Variants in PRKAR2B observed in about 807,000 individuals in gnomAD.
The protein encoded by PRKAR2B is protein kinase cAMP-dependent type II regulatory subunit beta, also known as cAMP-dependent protein kinase type II-beta regulatory subunit.
PRKAR2B carries 14 observed loss-of-function variants against 49.9 expected under a neutral mutation model. The ratio of observed to expected loss-of-function variants is 0.28; its 90% CI spans 0.19 to 0.44. The LOEUF is 0.44. PRKAR2B is among the 20% of genes least tolerant of loss of function. PRKAR2B has a pLI of 1.00. For missense variants in PRKAR2B, 393 were observed against 537.9 expected (o/e 0.73, Z 2.67); for synonymous variants, 196 against 197.7 (o/e 0.99, Z 0.07).
chr7:107,051,157 A>G (rs1371854744), intron 1 of PRKAR2B, among the ~76,000 whole-genome samples: 1 of 152,204 alleles, frequency 6.6e-6, no homozygotes, highest in Non-Finnish European at 1.5e-5. Flanking sequence ...ACTGTTGCCA[A>G]CATTTTGTGC....
At chr7:107,126,836 TTGTC>T (rs1181579459) in intron 3 of PRKAR2B, among the ~76,000 whole-genome samples, 2 of 152,152 alleles carry the variant, frequency 1.3e-5, no homozygotes, top group Non-Finnish European at 1.5e-5. Flanking sequence ...GGGATCTACT[TTGTC>T]TGTGTTTGTG....
intron 10 of PRKAR2B, among the ~76,000 whole-genome samples, chr7:107,158,932 G>GT (rs1299437701): frequency 2.0e-5 from 3 of 152,164 alleles, no homozygotes; most frequent in Non-Finnish European, 4.4e-5. Flanking sequence ...TTTCTAGCAT[G>GT]TACTTATAGA....
chr7:107,084,432 A>G (rs1794576323), intron 2 of PRKAR2B, among the ~76,000 whole-genome samples: 1 of 152,048 alleles, frequency 6.6e-6, no homozygotes, highest in Non-Finnish European at 1.5e-5. Context: ...ATATTAGTGG[A>G]TATATATCTA....
intron 2 of PRKAR2B, among the ~76,000 whole-genome samples, chr7:107,105,076 G>T (rs1004570): frequency 0.13 from 19,474 of 152,102 alleles, 1,537 homozygotes; most frequent in African/African-American, 0.22. Flanking sequence ...ATGGGTTGTG[G>T]GCCCCATTGT....
At position 107,044,783 on chromosome 7, in the gene PRKAR2B, T is replaced by A; in HGVS notation, c.-125T>A. On this transcript the variant is annotated 5_prime_UTR_variant, in exon 1 of 11. Transcript: ENST00000265717. ...GGCCAGCCGGGCCGCCGGGGCCCAG[T>A]GCGCCGCGCTCGCAGCCGGTAGCGC... 1 of 576,918 alleles carries A rather than the reference T, an allele frequency of 1.7e-6. No homozygotes were observed. Among genetic ancestry groups the A allele is most frequent in the Non-Finnish European group, 2.3e-6 (1 of 438,252 alleles). 35.7% of individuals were successfully genotyped at this position (576,918 alleles called of 1,614,324 possible).
chr7:107,097,754 C>A (rs1192929712), intron 2 of PRKAR2B, among the ~76,000 whole-genome samples: 5 of 152,112 alleles, frequency 3.3e-5, no homozygotes, highest in Non-Finnish European at 7.3e-5. Context: ...GATTTTATTT[C>A]TCCTCCACTT....
chr7:107,072,453 A>G (rs1426951336), intron 2 of PRKAR2B, among the ~76,000 whole-genome samples: 1 of 152,162 alleles, frequency 6.6e-6, no homozygotes, highest in African/African-American at 2.4e-5. Context: ...TTAGTCTTTC[A>G]GGCAAGGCAA....
At chr7:107,049,183 CA>C (rs2116744535) in intron 1 of PRKAR2B, among the ~76,000 whole-genome samples, 1 of 152,056 alleles carries the variant, frequency 6.6e-6, no homozygotes, top group South Asian at 2.1e-4. Context: ...ATTGCTGAAA[CA>C]AAAAATGAAG....
chr7:107,070,084 A>G, intron 1 of PRKAR2B, 197 bp from the exon 2 acceptor site: 1 of 451,356 alleles, frequency 2.2e-6, no homozygotes. Context: ...AATAGGTAAA[A>G]TACTGATTTC....
At chr7:107,060,891 G>A (rs1177021054) in intron 1 of PRKAR2B, among the ~76,000 whole-genome samples, 1 of 151,934 alleles carries the variant, frequency 6.6e-6, no homozygotes, top group Non-Finnish European at 1.5e-5. Context: ...TGTAAGTCTT[G>A]AGTTTCATCT....
chr7:107,119,650 T>G (rs2115579562), intron 2 of PRKAR2B, among the ~76,000 whole-genome samples: 2 of 152,328 alleles, frequency 1.3e-5, no homozygotes, highest in East Asian at 3.9e-4. Flanking sequence ...TCCAGCCTGA[T>G]TCCCTGAAAC....
intron 2 of PRKAR2B, chr7:107,091,824 T>A (rs950058433): frequency 7.2e-5 from 11 of 152,194 alleles, no homozygotes; most frequent in African/African-American, 2.7e-4. Context: ...TTGCCTCATA[T>A]GTTGTTTAGA....
chr7:107,095,715 G>C (rs552932147), intron 2 of PRKAR2B, among the ~76,000 whole-genome samples: 1 of 152,170 alleles, frequency 6.6e-6, no homozygotes, highest in Non-Finnish European at 1.5e-5. Context: ...AGCACGAAGG[G>C]CTGTTAAATT....
At chr7:107,141,010 A>G (rs1052741880) in intron 5 of PRKAR2B, 57 bp downstream of exon 5, 5 of 1,270,414 alleles carry the variant, frequency 3.9e-6, no homozygotes, top group Non-Finnish European at 5.7e-6. Flanking sequence ...GTAAAATCTC[A>G]ACCATTATTA....
At chr7:107,141,011 A>AC (rs1451628001) in intron 5 of PRKAR2B, 58 bp downstream of exon 5, 1 of 1,250,290 alleles carries the variant, frequency 8.0e-7, no homozygotes, top group Admixed American at 1.8e-5. Flanking sequence ...TAAAATCTCA[A>AC]CCATTATTAC....
At chr7:107,117,128 C>T (rs752708694) in intron 2 of PRKAR2B, among the ~76,000 whole-genome samples, 1 of 146,996 alleles carries the variant, frequency 6.8e-6, no homozygotes, top group Non-Finnish European at 1.5e-5. Context: ...ATGTATTGAA[C>T]GTATATCTGT....
In PRKAR2B at chr7:107,121,969, A is replaced by G; in HGVS notation, c.361A>G (p.Asn121Asp). The G allele has an allele frequency of 6.3e-7, 1 of 1,598,512 alleles. No homozygotes were observed. Among genetic ancestry groups the G allele is most frequent in the Non-Finnish European group, 8.6e-7 (1 of 1,169,220 alleles). ...TTTTATAGTATGTGCAGAAGCTTAT[A>G]ATCCTGATGAAGAAGAAGATGATGC... ...RRASVCAEAY[N>D]PDEEEDDAES... Residue 121 changes from asparagine (N) to aspartate (D), a missense_variant, in exon 3 of 11, where the codon AAT (asparagine) becomes GAT (aspartate). Around this residue, in one of 2 missense-constraint regions of PRKAR2B, gnomAD observed 233 missense variants for 390.4 expected, o/e 0.60. Transcript: ENST00000265717.
At chr7:107,091,248 G>A (rs1248331779) in intron 2 of PRKAR2B, among the ~76,000 whole-genome samples, 2 of 152,150 alleles carry the variant, frequency 1.3e-5, no homozygotes, top group Admixed American at 6.5e-5. Flanking sequence ...TATGTGGTTG[G>A]TTGTGCTGTC....
chr7:107,057,965 G>A lies in PRKAR2B; in HGVS notation c.308-12316G>A, dbSNP rs374190444. On this transcript the variant is annotated intron_variant, in intron 1 of 10. Transcript: ENST00000265717. ...TAAAGTCTTTAAATCTTTTAGTTAA[G>A]TGTTTCAAATTTTTAAAAACTTGCA... 5.5e-4 allele frequency among the ~76,000 whole-genome samples: 84 copies of A among 151,752 alleles called. 4 individuals are homozygous for A. In the South Asian group the frequency reaches 0.012, roughly 22 times the overall value.
Sources: gnomAD v4.1 joint callset for allele counts (sites outside exome capture counted in the v4.1 genomes callset) on GRCh38, gnomAD v4.1.1 for gene constraint, gnomAD v4.1.1 regional missense constraint, MANE v1.5 for transcripts, NCBI Gene and HGNC (gene_info 2026-07-23, HGNC 2026-07-21) for gene names.